FBRSL1: variants seen among roughly 807,000 people sequenced by gnomAD.
The protein encoded by FBRSL1 is fibrosin-1-like protein.
A neutral mutation model predicts 89.6 loss-of-function variants in FBRSL1; 51 were observed. The observed-to-expected ratio is 0.57, with a 90% CI of 0.45 to 0.72. FBRSL1 has a LOEUF of 0.72. FBRSL1 is among the 30% of genes least tolerant of loss of function. The pLI, the probability that FBRSL1 is intolerant of heterozygous loss-of-function variation, is 0.00. For synonymous variants in FBRSL1, 779 were observed against 681.1 expected (o/e 1.14, Z -2.24); for missense variants, 1,618 against 1,451.8 (o/e 1.11, Z -1.86).
chr12:132,569,764 G>C (rs968689837), intron 6 of FBRSL1, among the ~76,000 whole-genome samples, 162 bp from the exon 7 acceptor site: 2 of 152,112 alleles, frequency 1.3e-5, no homozygotes, highest in Non-Finnish European at 2.9e-5. Context: ...GTGAGATCCA[G>C]CTAGCTGTGT....
At chr12:132,525,864 G>A in intron 3 of FBRSL1, 41 bp downstream of exon 3, 4 of 1,497,560 alleles carry the variant, frequency 2.7e-6, no homozygotes, top group Non-Finnish European at 3.6e-6. Flanking sequence ...TCCGAGTCTG[G>A]GCCGCCTGCC....
At position 132,506,825 on chromosome 12, in the gene FBRSL1, T is replaced by C. The variant is rs1048483915; in HGVS notation, c.292-1328T>C. ...GGCTCTGGGCCTTGAGTGGTGGCTC[T>C]GCAGAGAGCATATGGCGGGAGCTGG... is the stretch of plus-strand genomic sequence containing the variant. On this transcript the variant is annotated intron_variant, in intron 1 of 18. Transcript: ENST00000680143. Among the ~76,000 whole-genome samples, 3 of 152,378 alleles carry C rather than the reference T, an allele frequency of 2.0e-5. No homozygotes were observed. In the South Asian group the frequency reaches 6.2e-4, roughly 32 times the overall value.
At position 132,569,881 on chromosome 12, in the gene FBRSL1, G is replaced by A. The variant is rs189732925; in HGVS notation, c.692-45G>A. Reference sequence around the variant, plus strand: ...GCTCCCTGGGCCACAGGAGGGGCAGGGACGAGGCCCTGCTGGTCTGAACGC... The same window carrying A: ...GCTCCCTGGGCCACAGGAGGGGCAGAGACGAGGCCCTGCTGGTCTGAACGC... On this transcript the variant is annotated intron_variant, in intron 6 of 18. Transcript: ENST00000680143. 757 of 1,323,076 alleles carry A rather than the reference G, an allele frequency of 5.7e-4. 8 individuals are homozygous for A. The Admixed American group carries it at 0.026, about 46-fold the overall frequency. The allele number at this position is 1,323,076 out of a possible 1,614,324, so 82.0% of individuals were successfully genotyped here. A position where few individuals can be genotyped will look rare whatever the true frequency, so the allele number is the denominator to read the frequency against.
chr12:132,556,926 C>T (rs900765771), intron 5 of FBRSL1, among the ~76,000 whole-genome samples: 38 of 152,046 alleles, frequency 2.5e-4, no homozygotes, highest in African/African-American at 8.7e-4. Flanking sequence ...TTCAAGGACA[C>T]GTGCCCCGCG....
chr12:132,516,693 G>A (rs993503484), intron 2 of FBRSL1, among the ~76,000 whole-genome samples: 13 of 152,130 alleles, frequency 8.5e-5, no homozygotes, highest in Admixed American at 3.9e-4. Context: ...CCCATTTGCC[G>A]GATGAGGATG....
chr12:132,509,104 G>A, intron 2 of FBRSL1: 1 of 1,232,152 alleles, frequency 8.1e-7, no homozygotes, highest in Non-Finnish European at 1.0e-6. Context: ...GCCCGGGCTG[G>A]ACGGGGGTTC....
chr12:132,570,584 G>GA (rs2039942007), intron 8 of FBRSL1, 44 bp downstream of exon 8: 3 of 1,433,946 alleles, frequency 2.1e-6, no homozygotes, highest in Non-Finnish European at 2.7e-6. Flanking sequence ...GGGGTTGGGG[G>GA]GTGCGGGGAC....
chr12:132,512,408 G>T (rs1418698604), intron 2 of FBRSL1, among the ~76,000 whole-genome samples: 1 of 152,250 alleles, frequency 6.6e-6, no homozygotes, highest in Non-Finnish European at 1.5e-5. Flanking sequence ...GGGCATGGAG[G>T]GGCCGAGTCC....
chr12:132,529,488 G>A (rs988927160), intron 4 of FBRSL1, among the ~76,000 whole-genome samples: 1 of 152,164 alleles, frequency 6.6e-6, no homozygotes, highest in South Asian at 2.1e-4. Context: ...CCCTGAGGCT[G>A]CCCTTTCACC....
chr12:132,546,600 C>G lies in FBRSL1; in HGVS notation c.616-1403C>G, dbSNP rs1253263688. ...CTTGGCCACGGCTGAAAGGCCAGAC[C>G]GGGGGGGACCCTAGGAGAGGGCTTG... On this transcript the variant is annotated intron_variant, in intron 4 of 18. Transcript: ENST00000680143. This position sits in a 1 kb window ranked among gnomAD's most constrained non-coding sequence, Gnocchi z 4.0. 1.3e-5 allele frequency among the ~76,000 whole-genome samples: 2 copies of G among 148,212 alleles called. No homozygotes were observed. Among genetic ancestry groups the G allele is most frequent in the Admixed American group, 1.3e-4 (2 of 15,034 alleles).
At chr12:132,578,343 T>TCTCTCACACACACACACACACA (rs147345475) in intron 15 of FBRSL1, among the ~76,000 whole-genome samples, 2 of 141,008 alleles carry the variant, frequency 1.4e-5, no homozygotes, top group Non-Finnish European at 3.1e-5. Flanking sequence ...AGACCCTGTC[T>TCTCTCACACACACACACACACA]CACACACACA....
At chr12:132,553,400 T>A (rs2038356746) in intron 5 of FBRSL1, 1 of 151,812 alleles carries the variant, frequency 6.6e-6, no homozygotes, top group Non-Finnish European at 1.5e-5. Context: ...GGTGGTTGGG[T>A]CCCCGAGACA....
chr12:132,574,147 A>G lies in FBRSL1; in HGVS notation c.1588A>G (p.Lys530Glu). 1 of 1,414,662 alleles carries G rather than the reference A, an allele frequency of 7.1e-7. No individual in the cohort carries two copies. Among genetic ancestry groups the G allele is most frequent in the Non-Finnish European group, 9.2e-7 (1 of 1,089,532 alleles). 87.6% of individuals were successfully genotyped at this position (1,414,662 alleles called of 1,614,324 possible). The change falls in exon 12 of 19, where the codon AAA becomes GAA. Residue 530 changes from lysine to glutamate, a missense_variant. Transcript: ENST00000680143. Reference sequence around the variant, plus strand: ...TGGTGCGGTTCACACACTCCTGCAGAAAGCGCCTGGGGTAGGTGTTAGTGG... The same window carrying G: ...TGGTGCGGTTCACACACTCCTGCAGGAAGCGCCTGGGGTAGGTGTTAGTGG... ...RAGAVHTLLQ[K>E]APGVSDPYRA...
At chr12:132,536,878 T>G (rs540046455) in intron 4 of FBRSL1, among the ~76,000 whole-genome samples, 2 of 152,384 alleles carry the variant, frequency 1.3e-5, no homozygotes, top group Admixed American at 6.5e-5. Flanking sequence ...CATAAATGTA[T>G]GTGGCTGTGC....
chr12:132,512,547 G>T (rs1010992420), intron 2 of FBRSL1, among the ~76,000 whole-genome samples: 1 of 152,258 alleles, frequency 6.6e-6, no homozygotes, highest in African/African-American at 2.4e-5. Context: ...GTTGCCTTCA[G>T]ACGTCCCTGT....
At chr12:132,582,329 C>A in intron 18 of FBRSL1, 63 bp downstream of exon 18, 1 of 1,405,592 alleles carries the variant, frequency 7.1e-7, no homozygotes, top group Non-Finnish European at 9.7e-7. Context: ...TCCCCCCTCC[C>A]GTCATCCCCG....
intron 4 of FBRSL1, among the ~76,000 whole-genome samples, chr12:132,528,706 G>A (rs1459858096): frequency 6.6e-6 from 1 of 151,464 alleles, no homozygotes; most frequent in Non-Finnish European, 1.5e-5. Context: ...CCTGAGAGAA[G>A]CAGGTGTGTT....
Position 132,583,827 on chromosome 12 carries a change from T to C in FBRSL1, c.*49T>C. 9.3e-7 allele frequency: 1 copy of C among 1,073,536 alleles called. No homozygotes were observed. Among genetic ancestry groups the C allele is most frequent in the Non-Finnish European group, 1.2e-6 (1 of 858,786 alleles). 66.5% of individuals were successfully genotyped at this position (1,073,536 alleles called of 1,614,324 possible). A position where few individuals can be genotyped will look rare whatever the true frequency, so the allele number is the denominator to read the frequency against. ...CGAGCGGAGCGCACCGCTGTCCGTCTCTCCATCAGTTCCTAGAACTCAAGC... is the reference window on the plus strand; with the variant it reads ...CGAGCGGAGCGCACCGCTGTCCGTCCCTCCATCAGTTCCTAGAACTCAAGC... On this transcript the variant is annotated 3_prime_UTR_variant, in exon 19 of 19. Coordinates refer to ENST00000680143, the MANE Select transcript of FBRSL1 (RefSeq NM_001367871.1).
At chr12:132,526,527 C>T (rs906286052) in intron 3 of FBRSL1, among the ~76,000 whole-genome samples, 20 of 152,136 alleles carry the variant, frequency 1.3e-4, no homozygotes, top group Non-Finnish European at 1.5e-4. Flanking sequence ...GTGGGCCCAT[C>T]GGGACCCAGG....
Sources: gnomAD v4.1 joint callset for allele counts (sites outside exome capture counted in the v4.1 genomes callset) on GRCh38, gnomAD v4.1.1 for gene constraint, Gnocchi (gnomAD v3.1) non-coding constraint, MANE v1.5 for transcripts, NCBI Gene and HGNC (gene_info 2026-07-23, HGNC 2026-07-21) for gene names.